The following GATAD2A variants were observed in gnomAD, a reference collection of about 807,000 sequenced individuals.
GATAD2A encodes GATA zinc finger domain containing 2A.
GATAD2A carries 12 observed loss-of-function variants against 68.5 expected under a neutral mutation model. The ratio of observed to expected loss-of-function variants is 0.18; its 90% CI spans 0.11 to 0.28. The LOEUF (loss-of-function observed/expected upper bound fraction) is 0.28, where lower values mean the gene tolerates loss of function less well. Among genes scored for constraint, GATAD2A ranks in the 10% least tolerant of loss-of-function variants. GATAD2A has a pLI of 1.00. For synonymous variants in GATAD2A, 410 were observed against 375.3 expected (o/e 1.09, Z -1.07); for missense variants, 755 against 868.5 (o/e 0.87, Z 1.64).
intron 5 of GATAD2A, 63 bp downstream of exon 5, chr19:19,494,446 T>G (rs995991284): frequency 3.9e-6 from 4 of 1,035,768 alleles, no homozygotes; most frequent in Non-Finnish European, 6.0e-6. Flanking sequence ...AAGCACAGGC[T>G]CCTCGGGCTC....
intron 2 of GATAD2A, chr19:19,472,782 T>G (rs2058409792): frequency 6.6e-6 from 1 of 152,184 alleles, no homozygotes; most frequent in South Asian, 2.1e-4. Context: ...ACTCTGTGAA[T>G]GGCCACACCT....
intron 1 of GATAD2A, among the ~76,000 whole-genome samples, chr19:19,395,206 G>A (rs1229288761): frequency 2.0e-5 from 3 of 152,224 alleles, no homozygotes; most frequent in Non-Finnish European, 4.4e-5. Context: ...TGTAATCCCA[G>A]CACTTTGGGA....
At chr19:19,415,356 T>C (rs913460358) in intron 1 of GATAD2A, among the ~76,000 whole-genome samples, 46 of 151,620 alleles carry the variant, frequency 3.0e-4, no homozygotes, top group Admixed American at 5.9e-4. Flanking sequence ...TTCTTCTCCA[T>C]GTTGGTCAGG....
chr19:19,503,308 T>C lies in GATAD2A; in HGVS notation c.1774+782T>C, dbSNP rs1600315056. Reference sequence around the variant, plus strand: ...TGGCCCTGCAGGTAGGAGAGGACAATCATGAGACAGGCCCCAGGCAGAGTG... The same window carrying C: ...TGGCCCTGCAGGTAGGAGAGGACAACCATGAGACAGGCCCCAGGCAGAGTG... On this transcript the variant is annotated intron_variant, in intron 11 of 11. Coordinates refer to ENST00000683918, the MANE Select transcript of GATAD2A (RefSeq NM_001384528.1). 3.3e-5 allele frequency among the ~76,000 whole-genome samples: 5 copies of C among 152,078 alleles called. No homozygotes were observed. The South Asian group carries it at 1.0e-3, about 32-fold the overall frequency.
chr19:19,411,475 G>A (rs2050914979), intron 1 of GATAD2A, among the ~76,000 whole-genome samples: 2 of 152,192 alleles, frequency 1.3e-5, no homozygotes, highest in African/African-American at 4.8e-5. Context: ...GACTCTGGGT[G>A]GAGGCTGGAA....
intron 2 of GATAD2A, among the ~76,000 whole-genome samples, chr19:19,465,842 A>G (rs2057825108): frequency 6.6e-6 from 1 of 152,208 alleles, no homozygotes. Flanking sequence ...CTCACAGGAG[A>G]AGGAGTGGCA....
chr19:19,435,102 T>A (rs768590411), intron 1 of GATAD2A: 2 of 533,606 alleles, frequency 3.7e-6, no homozygotes, highest in South Asian at 2.8e-5. Context: ...ACACATCAGA[T>A]CCCTTATCTG....
At chr19:19,465,051 T>C (rs2057758085) in intron 1 of GATAD2A, 1 of 506,040 alleles carries the variant, frequency 2.0e-6, no homozygotes, top group Admixed American at 3.3e-5. Context: ...CCACTGCTCC[T>C]GTTCAGCACC....
At chr19:19,452,743 A>G (rs2056520512) in intron 1 of GATAD2A, among the ~76,000 whole-genome samples, 1 of 152,126 alleles carries the variant, frequency 6.6e-6, no homozygotes, top group Admixed American at 6.6e-5. Context: ...AGCCACCCAC[A>G]GTAACTTTGT....
chr19:19,492,689 C>G lies in GATAD2A; in HGVS notation c.511C>G (p.Gln171Glu), dbSNP rs774459130. 1 of 1,614,134 alleles carries G rather than the reference C, an allele frequency of 6.2e-7. No homozygotes were observed. Among genetic ancestry groups the G allele is most frequent in the Non-Finnish European group, 8.5e-7 (1 of 1,180,022 alleles). ...LLKKLRQSQI[Q>E]KEATAQKPTG... The stretch of plus-strand genomic sequence containing the variant: ...GAAAAAGTTGCGGCAGAGTCAAATA[C>G]AAAAGGAAGCCACCGCCCAGAAGGT... Residue 171 changes from glutamine to glutamate, a missense_variant, in exon 4 of 12, where the codon CAA becomes GAA. Physicochemically the swap from Gln to Glu is conservative, Grantham distance 29. Coordinates refer to ENST00000683918, the MANE Select transcript of GATAD2A (RefSeq NM_001384528.1).
At chr19:19,412,921 A>G (rs544395644) in intron 1 of GATAD2A, among the ~76,000 whole-genome samples, 1 of 152,344 alleles carries the variant, frequency 6.6e-6, no homozygotes, top group Admixed American at 6.5e-5. Context: ...TATCAGAGGT[A>G]ACCCCATTGT....
chr19:19,459,102 G>T (rs889328485), intron 1 of GATAD2A, among the ~76,000 whole-genome samples: 3 of 152,158 alleles, frequency 2.0e-5, no homozygotes, highest in African/African-American at 7.2e-5. Flanking sequence ...CACTGTGCCT[G>T]GCTTCACACT....
intron 2 of GATAD2A, among the ~76,000 whole-genome samples, chr19:19,470,283 C>A (rs545633655): frequency 6.6e-6 from 1 of 151,672 alleles, no homozygotes; most frequent in African/African-American, 2.4e-5. Context: ...TACAGGTGCC[C>A]GCCACCACGC....
chr19:19,452,947 A>T (rs1658012280), intron 1 of GATAD2A, among the ~76,000 whole-genome samples: 1 of 152,148 alleles, frequency 6.6e-6, no homozygotes, highest in South Asian at 2.1e-4. Context: ...TCCCTGGCAC[A>T]AACGACCTCG....
intron 1 of GATAD2A, among the ~76,000 whole-genome samples, chr19:19,455,508 T>G (rs566186854): frequency 1.3e-5 from 2 of 152,098 alleles, no homozygotes; most frequent in East Asian, 3.9e-4. Flanking sequence ...AAAAAAAAAT[T>G]TTTTTTGAAG....
chr19:19,501,307 A>C lies in GATAD2A; in HGVS notation c.1394A>C (p.Lys465Thr). 6.2e-7 allele frequency: 1 copy of C among 1,613,174 alleles called. No homozygotes were observed. Among genetic ancestry groups the C allele is most frequent in the Non-Finnish European group, 8.5e-7 (1 of 1,179,968 alleles). ...HTSRLKAAFV[K>T]ALQQEQEIEQ... ...AGCCGGCTGAAGGCCGCCTTTGTGA[A>C]GGCGCTGCAGCAGGAACAGGAGATT... Residue 465 changes from lysine to threonine, a missense_variant, in exon 9 of 12, where the codon AAG (lysine) becomes ACG (threonine). Physicochemically the swap from Lys to Thr is moderately conservative, Grantham distance 78. Transcript: ENST00000683918.
At chr19:19,406,437 G>C (rs1239922553) in intron 1 of GATAD2A, among the ~76,000 whole-genome samples, 1 of 151,442 alleles carries the variant, frequency 6.6e-6, no homozygotes, top group African/African-American at 2.4e-5. Context: ...GGGTTGGGCA[G>C]CAACGCTGAA....
intron 1 of GATAD2A, among the ~76,000 whole-genome samples, chr19:19,399,037 C>T (rs573434695): frequency 2.1e-4 from 32 of 150,430 alleles, no homozygotes; most frequent in African/African-American, 7.1e-4. Flanking sequence ...CCAGCCTGGG[C>T]GACAGAGTGA....
chr19:19,449,026 GCAATCAT>G (rs2056074940), intron 1 of GATAD2A, among the ~76,000 whole-genome samples: 1 of 152,114 alleles, frequency 6.6e-6, no homozygotes, highest in African/African-American at 2.4e-5. Flanking sequence ...GAGTTTTCAG[GCAATCAT>G]CTGTGTCTCT....
Sources: allele counts gnomAD v4.1 joint callset (sites outside exome capture counted in the v4.1 genomes callset), GRCh38; gene constraint gnomAD v4.1.1; transcripts MANE v1.5; gene names NCBI Gene and HGNC (gene_info 2026-07-23, HGNC 2026-07-21).